ANKHD1: variants seen among roughly 807,000 people sequenced by gnomAD.
The protein encoded by ANKHD1 is ankyrin repeat and KH domain-containing protein 1.
Under a neutral mutation model 230.5 loss-of-function variants are expected in ANKHD1, and 31 were observed. That is an observed-to-expected ratio of 0.13 (90% CI 0.10 to 0.18). The LOEUF (loss-of-function observed/expected upper bound fraction) is 0.18, where lower values mean the gene tolerates loss of function less well. Among genes scored for constraint, ANKHD1 ranks in the 10% least tolerant of loss-of-function variants. ANKHD1 has a pLI of 1.00. For synonymous variants in ANKHD1, 1,074 were observed against 1,117.6 expected (o/e 0.96, Z 0.78); for missense variants, 2,256 against 3,071.3 (o/e 0.73, Z 6.27).
intron 14 of ANKHD1, among the ~76,000 whole-genome samples, chr5:140,493,873 A>G (rs905205735): frequency 1.3e-5 from 2 of 152,158 alleles, no homozygotes; most frequent in African/African-American, 4.8e-5. Flanking sequence ...CTGTCCTCAA[A>G]ATTCTACTCT....
intron 7 of ANKHD1, among the ~76,000 whole-genome samples, chr5:140,456,067 A>G (rs1037969821): frequency 1.3e-5 from 2 of 152,090 alleles, no homozygotes; most frequent in South Asian, 2.1e-4. Flanking sequence ...TTATACACCA[A>G]TAACAGACAG....
rs943961513 is a variant in ANKHD1, at chr5:140,496,904, G to A, written c.2630G>A (p.Gly877Glu). The change falls in exon 15 of 34, where the codon GGA (glycine) becomes GAA (glutamate). Residue 877 changes from glycine to glutamate, a missense_variant. By Grantham distance (98) the Gly-to-Glu change is moderately conservative. This residue lies in a region of ANKHD1 where 358 missense variants were observed against 397.7 expected (regional missense o/e 0.90). Coordinates refer to ENST00000360839, the MANE Select transcript of ANKHD1 (RefSeq NM_017747.3). ...CTACACCAACAGTGCTCTCATAGAG[G>A]AGTCTTCCCAGAAGGGGAAGGAGAT... is the stretch of plus-strand genomic sequence containing the variant. ...VSLHQQCSHR[G>E]VFPEGEGDGS... The A allele has an allele frequency of 6.2e-7, 1 of 1,614,206 alleles. No individual in the cohort carries two copies. Among genetic ancestry groups the A allele is most frequent in the Non-Finnish European group, 8.5e-7 (1 of 1,180,040 alleles).
rs1393021381 is a variant in ANKHD1, at chr5:140,539,582, T to G, written c.*164T>G. On this transcript the variant is annotated 3_prime_UTR_variant, in exon 34 of 34. Coordinates refer to ENST00000360839, the MANE Select transcript of ANKHD1 (RefSeq NM_017747.3). ...CAAATTGATTTCCTATCCACCTGAT[T>G]ATGTTCTCTGGTTAGTTTAGCCATT... 5 of 775,554 alleles carry G rather than the reference T, an allele frequency of 6.4e-6. No individual in the cohort carries two copies. 48.0% of individuals were successfully genotyped at this position (775,554 alleles called of 1,614,324 possible). A position where few individuals can be genotyped will look rare whatever the true frequency, so the allele number is the denominator to read the frequency against.
At chr5:140,531,820 C>A (rs1409875326) in intron 29 of ANKHD1, among the ~76,000 whole-genome samples, 1 of 151,956 alleles carries the variant, frequency 6.6e-6, no homozygotes, top group Non-Finnish European at 1.5e-5. Flanking sequence ...TTCATAATAG[C>A]CAAAATGTAG....
At chr5:140,434,997 G>A (rs1050527766) in intron 1 of ANKHD1, among the ~76,000 whole-genome samples, 7 of 152,106 alleles carry the variant, frequency 4.6e-5, no homozygotes, top group African/African-American at 1.4e-4. Context: ...TTTGAAATTG[G>A]AGGGTTACAT....
intron 24 of ANKHD1, among the ~76,000 whole-genome samples, chr5:140,521,024 C>G (rs1378319196): frequency 6.6e-6 from 1 of 151,470 alleles, no homozygotes; most frequent in Non-Finnish European, 1.5e-5. Context: ...TTCTGAGGCT[C>G]AGTCTGCTTA....
chr5:140,420,174 C>T (rs374015459), intron 1 of ANKHD1, among the ~76,000 whole-genome samples: 1 of 150,822 alleles, frequency 6.6e-6, no homozygotes, highest in East Asian at 2.0e-4. Context: ...ACTGTTTGTA[C>T]AGACAAGGTC....
intron 14 of ANKHD1, 54 bp from the exon 15 acceptor site, chr5:140,496,461 CTTTTT>C: frequency 2.1e-4 from 105 of 510,972 alleles, no homozygotes; most frequent in Middle Eastern, 6.9e-4. Context: ...TTTTTCTTTT[CTTTTT>C]TTTTTTTTTT....
rs1376848545 is a variant in ANKHD1 at position 140,526,940 on chromosome 5, A to G, written c.4953A>G (p.Glu1651=). The G allele has an allele frequency of 6.2e-7, 1 of 1,610,394 alleles. No individual in the cohort carries two copies. Among genetic ancestry groups the G allele is most frequent in the African/African-American group, 1.3e-5 (1 of 74,774 alleles). ...TSKTQTRLEG[E]VTPNSLSTSY... is the part of the protein sequence containing the mutation. ...TGTCTCTTCTTAGACTTGAAGGTGA[A>G]GTGACTCCTAATTCCTTGTCAACCA... Residue 1651 remains glutamate (E), a synonymous_variant, in exon 27 of 34, where the codon GAA becomes GAG. Transcript: ENST00000360839.
intron 10 of ANKHD1, among the ~76,000 whole-genome samples, chr5:140,474,342 T>C (rs1750846475): frequency 6.6e-6 from 1 of 152,154 alleles, no homozygotes; most frequent in Non-Finnish European, 1.5e-5. Flanking sequence ...GTCTCCCTCC[T>C]TTTCTCTGTG....
chr5:140,520,529 C>A (rs1753284800), intron 24 of ANKHD1, among the ~76,000 whole-genome samples: 1 of 151,748 alleles, frequency 6.6e-6, no homozygotes, highest in Non-Finnish European at 1.5e-5. Flanking sequence ...GGAACCAACC[C>A]AAATGTCCAG....
At chr5:140,497,424 A>C in intron 15 of ANKHD1, 146 bp downstream of exon 15, 1 of 1,380,178 alleles carries the variant, frequency 7.2e-7, no homozygotes, top group South Asian at 1.6e-5. Context: ...TTGGAAGTGA[A>C]TTAACTATGC....
chr5:140,453,437 G>A (rs940276890), intron 7 of ANKHD1, among the ~76,000 whole-genome samples: 2 of 152,090 alleles, frequency 1.3e-5, no homozygotes, highest in African/African-American at 4.8e-5. Context: ...TGAAATGAAG[G>A]AAAAAATGTT....
In ANKHD1 at chr5:140,526,130, C is replaced by T. The variant is rs766224866; in HGVS notation, c.4627C>T (p.Arg1543Trp). Residue 1543 changes from arginine (R) to tryptophan (W), a missense_variant, in exon 26 of 34, where the codon CGG (arginine) becomes TGG (tryptophan). Arg to Trp is a moderately radical substitution (Grantham distance 101, BLOSUM62 -3). Around this residue, in one of 13 missense-constraint regions of ANKHD1, gnomAD observed 212 missense variants for 257.3 expected, o/e 0.82. Transcript: ENST00000360839. Reference protein sequence around the residue: ...ANVVTTPSTNRKNKKNKTKET... With the variant: ...ANVVTTPSTNWKNKKNKTKET... ...TGTGGTGACAACTCCCAGCACCAATCGGAAAAATAAGAAGAACAAAACAAA... is the reference window on the plus strand; with the variant it reads ...TGTGGTGACAACTCCCAGCACCAATTGGAAAAATAAGAAGAACAAAACAAA... The T allele has an allele frequency of 5.6e-6, 9 of 1,613,530 alleles. No homozygotes were observed. The highest frequency in any genetic ancestry group is 2.2e-5 in the East Asian group (1 of 44,894).
chr5:140,440,016 C>T, intron 3 of ANKHD1, 103 bp from the exon 4 acceptor site: 1 of 1,318,062 alleles, frequency 7.6e-7, no homozygotes, highest in Non-Finnish European at 9.8e-7. Flanking sequence ...TCTTTTACTG[C>T]ATTAACATTT....
At chr5:140,449,125 C>T (rs564006126) in intron 6 of ANKHD1, 86 bp from the exon 7 acceptor site, 2 of 1,314,098 alleles carry the variant, frequency 1.5e-6, no homozygotes, top group African/African-American at 1.5e-5. Flanking sequence ...CTTGTATAGA[C>T]ATCTGAAGAA....
intron 25 of ANKHD1, 68 bp from the exon 26 acceptor site, chr5:140,525,927 TA>T (rs1328496167): frequency 6.7e-6 from 10 of 1,482,560 alleles, no homozygotes. Flanking sequence ...AATTATCAAA[TA>T]TATTCTGTCA....
intron 23 of ANKHD1, 115 bp from the exon 24 acceptor site, chr5:140,513,248 G>GT: frequency 9.9e-7 from 1 of 1,015,208 alleles, no homozygotes; most frequent in Non-Finnish European, 1.4e-6. Flanking sequence ...AACTTAATTT[G>GT]GTTTAGTGAC....
rs1371065778 is a variant in ANKHD1, at chr5:140,505,763, T to C, written c.3302T>C (p.Val1101Ala). 1.9e-6 allele frequency: 3 copies of C among 1,612,848 alleles called. No homozygotes were observed. Among genetic ancestry groups the C allele is most frequent in the Non-Finnish European group, 2.5e-6 (3 of 1,179,632 alleles). The stretch of plus-strand genomic sequence containing the variant: ...ATCCTGGCAGCAACAGCAGGGCATG[T>C]TGGAGTTGTTGAAATCCTTTTGGAT... ...PLILAATAGH[V>A]GVVEILLDKG... The change falls in exon 18 of 34, where the codon GTT (valine) becomes GCT (alanine). Residue 1101 changes from valine to alanine, a missense_variant. Coordinates refer to ENST00000360839, the MANE Select transcript of ANKHD1 (RefSeq NM_017747.3).
Sources: allele counts gnomAD v4.1 joint callset (sites outside exome capture counted in the v4.1 genomes callset), GRCh38; gene constraint gnomAD v4.1.1; regional missense constraint gnomAD v4.1.1; transcripts MANE v1.5; gene names NCBI Gene and HGNC (gene_info 2026-07-23, HGNC 2026-07-21).